Variants in SMOC2 observed in about 807,000 individuals in gnomAD.
The protein encoded by SMOC2 is SPARC-related modular calcium-binding protein 2.
Under a neutral mutation model 61.4 loss-of-function variants are expected in SMOC2, and 39 were observed. That is an observed-to-expected ratio of 0.64 (90% CI 0.49 to 0.83). SMOC2 has a LOEUF of 0.83. SMOC2 is among the 40% of genes least tolerant of loss of function. SMOC2 has a pLI of 0.00. For synonymous variants in SMOC2, 247 were observed against 239.9 expected (o/e 1.03, Z -0.27); for missense variants, 556 against 592.9 (o/e 0.94, Z 0.65).
chr6:168,633,379 G>C (rs1786621470), intron 9 of SMOC2, among the ~76,000 whole-genome samples: 1 of 152,160 alleles, frequency 6.6e-6, no homozygotes, highest in African/African-American at 2.4e-5. Flanking sequence ...TGCGGGAGGG[G>C]AGCCCAGATG....
At chr6:168,614,387 C>A (rs865882126) in intron 9 of SMOC2, among the ~76,000 whole-genome samples, 1 of 87,622 alleles carries the variant, frequency 1.1e-5, no homozygotes, top group African/African-American at 4.9e-5. Context: ...CTCTTCATAC[C>A]TACAGCCAGC....
In SMOC2 at chr6:168,456,443, C is replaced by T. The variant is rs761220939; in HGVS notation, c.84+14989C>T. On this transcript the variant is annotated intron_variant, in intron 1 of 12. Transcript: ENST00000356284. ...CATTGAAGCAGGCCACAAAGAGAAACCTCGCAGTGGGTTCCGTTCACACCA... is the reference window on the plus strand; with the variant it reads ...CATTGAAGCAGGCCACAAAGAGAAATCTCGCAGTGGGTTCCGTTCACACCA... Among the ~76,000 whole-genome samples, 14 of 152,262 alleles carry T rather than the reference C, an allele frequency of 9.2e-5. No individual in the cohort carries two copies. The South Asian group carries it at 2.7e-3, about 29-fold the overall frequency.
At chr6:168,615,887 C>A (rs1786075440) in intron 9 of SMOC2, among the ~76,000 whole-genome samples, 1 of 140,710 alleles carries the variant, frequency 7.1e-6, no homozygotes, top group African/African-American at 2.6e-5. Context: ...TAGCACTATT[C>A]TAATTTTTTG....
At chr6:168,665,553 G>A (rs1787642777) in intron 12 of SMOC2, among the ~76,000 whole-genome samples, 1 of 152,258 alleles carries the variant, frequency 6.6e-6, no homozygotes, top group African/African-American at 2.4e-5. Context: ...GAATCCAGAG[G>A]AGCTCTTTCC....
At chr6:168,466,955 A>G (rs1422359853) in intron 1 of SMOC2, among the ~76,000 whole-genome samples, 1 of 152,164 alleles carries the variant, frequency 6.6e-6, no homozygotes, top group Non-Finnish European at 1.5e-5. Context: ...AGCTCTGCCC[A>G]CAGGATGCTG....
chr6:168,457,957 C>T (rs953153738), intron 1 of SMOC2, among the ~76,000 whole-genome samples: 2 of 152,116 alleles, frequency 1.3e-5, no homozygotes, highest in Non-Finnish European at 1.5e-5. Flanking sequence ...AGGGGGTGGC[C>T]GGTCTTTCCC....
intron 2 of SMOC2, among the ~76,000 whole-genome samples, chr6:168,513,644 T>C (rs1783062380): frequency 6.6e-6 from 1 of 152,252 alleles, no homozygotes; most frequent in Non-Finnish European, 1.5e-5. Flanking sequence ...TGACATTTAC[T>C]TGATATTAAT....
chr6:168,541,128 T>C (rs138281955), intron 4 of SMOC2, among the ~76,000 whole-genome samples: 18 of 152,350 alleles, frequency 1.2e-4, no homozygotes, highest in Non-Finnish European at 2.2e-4. Flanking sequence ...CATTGTACTT[T>C]GTGGCTTCTT....
chr6:168,628,047 G>A (rs1032653733), intron 9 of SMOC2, among the ~76,000 whole-genome samples: 6 of 152,146 alleles, frequency 3.9e-5, no homozygotes, highest in African/African-American at 1.4e-4. Flanking sequence ...TGTCAAGGAG[G>A]CATGTTTCAC....
intron 11 of SMOC2, among the ~76,000 whole-genome samples, chr6:168,661,358 T>C (rs898010585): frequency 5.3e-5 from 8 of 152,248 alleles, no homozygotes; most frequent in Non-Finnish European, 1.2e-4. Flanking sequence ...ATGCCTGTAA[T>C]CCCAGCACTT....
intron 1 of SMOC2, among the ~76,000 whole-genome samples, chr6:168,455,491 G>A (rs1185582972): frequency 5.9e-5 from 9 of 152,106 alleles, no homozygotes; most frequent in African/African-American, 2.2e-4. Flanking sequence ...GAGAGGCTGG[G>A]CCCTTTTCTT....
At chr6:168,469,935 T>C (rs945880370) in intron 1 of SMOC2, among the ~76,000 whole-genome samples, 1 of 152,262 alleles carries the variant, frequency 6.6e-6, no homozygotes, top group African/African-American at 2.4e-5. Flanking sequence ...TTTCTCTAAG[T>C]TTTATCTGCT....
intron 9 of SMOC2, among the ~76,000 whole-genome samples, chr6:168,636,653 T>C (rs1786729159): frequency 6.6e-6 from 1 of 152,240 alleles, no homozygotes; most frequent in Non-Finnish European, 1.5e-5. Context: ...TCAAAGCTGC[T>C]GCTGGGCTAC....
intron 4 of SMOC2, among the ~76,000 whole-genome samples, chr6:168,539,100 G>A (rs1783818105): frequency 6.6e-6 from 1 of 152,170 alleles, no homozygotes. Flanking sequence ...GACCTGGACG[G>A]CCACATGAAA....
chr6:168,552,609 T>G (rs946950946), intron 7 of SMOC2, among the ~76,000 whole-genome samples: 1 of 152,270 alleles, frequency 6.6e-6, no homozygotes, highest in African/African-American at 2.4e-5. Flanking sequence ...ACTAGCAAGA[T>G]GTGGTCACAT....
At chr6:168,613,553 G>A (rs548257097) in intron 9 of SMOC2, among the ~76,000 whole-genome samples, 2 of 152,252 alleles carry the variant, frequency 1.3e-5, no homozygotes, top group East Asian at 3.9e-4. Flanking sequence ...GGACCCAGCA[G>A]ACTTCATGAA....
chr6:168,606,501 A>G (rs1785695227), intron 8 of SMOC2, among the ~76,000 whole-genome samples: 1 of 152,138 alleles, frequency 6.6e-6, no homozygotes, highest in South Asian at 2.1e-4. Context: ...GGGTCCTCTC[A>G]CTGGGACTGC....
intron 7 of SMOC2, among the ~76,000 whole-genome samples, chr6:168,584,531 G>A (rs1785001294): frequency 6.6e-6 from 1 of 150,760 alleles, no homozygotes; most frequent in Non-Finnish European, 1.5e-5. Flanking sequence ...TGGAACACCA[G>A]GTCCTCTTAA....
Position 168,507,565 on chromosome 6 carries a change from CAT to C in SMOC2, c.85-2349_85-2348del, listed in dbSNP as rs775920577. On this transcript the variant is annotated intron_variant, in intron 1 of 12. Transcript: ENST00000356284. ...TTCCCATGGCACAGCACCCGAAGGT[CAT>C]GTCTCCCAGGAGCTGCCTGCCCCCG... Among the ~76,000 whole-genome samples the C allele has an allele frequency of 1.2e-4, 19 of 152,342 alleles. No individual in the cohort carries two copies. In the East Asian group the frequency reaches 2.7e-3, roughly 22 times the overall value.
Sources: allele counts gnomAD v4.1 joint callset (sites outside exome capture counted in the v4.1 genomes callset), GRCh38; gene constraint gnomAD v4.1.1; transcripts MANE v1.5; gene names NCBI Gene and HGNC (gene_info 2026-07-23, HGNC 2026-07-21).